Variants in ARFGEF1 observed in about 807,000 individuals in gnomAD.
ARFGEF1 encodes the protein ARF guanine nucleotide exchange factor 1, also known as brefeldin A-inhibited guanine nucleotide-exchange protein 1.
Under a neutral mutation model 231.0 loss-of-function variants are expected in ARFGEF1, and 42 were observed. The observed-to-expected ratio is 0.18, with a 90% CI of 0.14 to 0.24. ARFGEF1 has a LOEUF of 0.24. ARFGEF1 is among the 10% of genes least tolerant of loss of function. The probability of loss-of-function intolerance (pLI) is 1.00; values close to 1 mark genes in which losing one functional copy is unlikely to be tolerated. For synonymous variants in ARFGEF1, 710 were observed against 732.3 expected (o/e 0.97, Z 0.49); for missense variants, 1,345 against 2,192.0 (o/e 0.61, Z 7.72).
At chr8:67,270,498 C>A (rs1189445105) in intron 10 of ARFGEF1, among the ~76,000 whole-genome samples, 1 of 151,704 alleles carries the variant, frequency 6.6e-6, no homozygotes, top group Non-Finnish European at 1.5e-5. Flanking sequence ...ATAAAATTAA[C>A]AAAAATTAAA....
chr8:67,174,132 C>T (rs1563753329), downstream of ARFGEF1: 2 of 151,984 alleles, frequency 1.3e-5, no homozygotes, highest in African/African-American at 4.8e-5. Context: ...CTGTTCATTT[C>T]CCTGTGTTAC....
intron 28 of ARFGEF1, among the ~76,000 whole-genome samples, 161 bp downstream of exon 28, chr8:67,225,862 T>C (rs942241144): frequency 6.6e-6 from 1 of 152,154 alleles, no homozygotes; most frequent in Non-Finnish European, 1.5e-5. Flanking sequence ...TAATGGTTAG[T>C]TATAATCACT....
intron 17 of ARFGEF1, among the ~76,000 whole-genome samples, chr8:67,257,456 A>G (rs148505181): frequency 8.2e-4 from 125 of 152,326 alleles, no homozygotes; most frequent in African/African-American, 2.9e-3. Flanking sequence ...CATAAGACCT[A>G]TAAATGTCTT....
chr8:67,249,000 TATTATACATTGCATTCCAGGAATATA>T (rs2128883442), intron 19 of ARFGEF1, among the ~76,000 whole-genome samples: 1 of 150,550 alleles, frequency 6.6e-6, no homozygotes. Context: ...TATCCCTTAA[TATTATACATTGCATTCCAGGAATATA>T]TCATTCATTC....
At chr8:67,201,334 T>C (rs1033193348) in intron 37 of ARFGEF1, 133 bp downstream of exon 37, 1 of 1,149,568 alleles carries the variant, frequency 8.7e-7, no homozygotes, top group African/African-American at 1.6e-5. Context: ...ATTTAATTTT[T>C]ACAACTGCTC....
At chr8:67,226,271 T>C (rs1395578441) in intron 27 of ARFGEF1, 88 bp from the exon 28 acceptor site, 3 of 1,190,270 alleles carry the variant, frequency 2.5e-6, no homozygotes, top group South Asian at 3.9e-5. Context: ...TGTAATGCAC[T>C]TCCTCTTAAA....
chr8:67,320,955 CA>C (rs200179059), intron 1 of ARFGEF1, among the ~76,000 whole-genome samples: 14 of 147,296 alleles, frequency 9.5e-5, no homozygotes, highest in African/African-American at 2.2e-4. Context: ...GATTCCATCT[CA>C]AAAAAAAAAT....
chr8:67,325,213 GA>G (rs1204787940), intron 1 of ARFGEF1, among the ~76,000 whole-genome samples: 2 of 146,580 alleles, frequency 1.4e-5, no homozygotes, highest in Non-Finnish European at 3.0e-5. Flanking sequence ...ACACCAGGCC[GA>G]AAAATCCACT....
At chr8:67,271,245 TCAAATATCCAA>T (rs1344056435) in intron 10 of ARFGEF1, among the ~76,000 whole-genome samples, 1 of 152,066 alleles carries the variant, frequency 6.6e-6, no homozygotes, top group African/African-American at 2.4e-5. Flanking sequence ...ATTAATTTTT[TCAAATATCCAA>T]AATAGAACCC....
At chr8:67,185,486 T>G (rs1180767455) in intron 5 of ARFGEF1, among the ~76,000 whole-genome samples, 5 of 152,156 alleles carry the variant, frequency 3.3e-5, no homozygotes, top group South Asian at 2.1e-4. Flanking sequence ...ACTGGCAACT[T>G]TGAAAATGTA....
At chr8:67,270,736 C>T (rs1805046688) in intron 10 of ARFGEF1, among the ~76,000 whole-genome samples, 1 of 116,936 alleles carries the variant, frequency 8.6e-6, no homozygotes, top group African/African-American at 3.4e-5. Flanking sequence ...AAAAAAAAAC[C>T]ACATAAAGCT....
chr8:67,337,085 C>T (rs1808378157), intron 1 of ARFGEF1, among the ~76,000 whole-genome samples: 2 of 146,460 alleles, frequency 1.4e-5, no homozygotes, highest in Admixed American at 6.9e-5. Context: ...GCCAGGATCG[C>T]GCCACTGCAC....
intron 14 of ARFGEF1, among the ~76,000 whole-genome samples, chr8:67,260,355 C>T (rs1427658416): frequency 2.0e-5 from 3 of 152,160 alleles, no homozygotes; most frequent in Admixed American, 2.0e-4. Flanking sequence ...TTTGTGGCAA[C>T]CCTGCATTGA....
At position 67,198,912 on chromosome 8, in the gene ARFGEF1, C is replaced by T. The variant is rs367847823; in HGVS notation, c.*22G>A. ...TTAAAGAGCAGAGGGATGTAAATGC[C>T]AACAAAAATATTAAGTTCCCATCAT... On this transcript the variant is annotated 3_prime_UTR_variant, in exon 39 of 39. Coordinates refer to ENST00000262215, the MANE Select transcript of ARFGEF1 (RefSeq NM_006421.5). The T allele has an allele frequency of 8.9e-5, 143 of 1,609,552 alleles. 1 individual carries two copies. In the African/African-American group the frequency reaches 1.8e-3, roughly 20 times the overall value.
chr8:67,294,791 T>A (rs1395582909), intron 5 of ARFGEF1, among the ~76,000 whole-genome samples: 1 of 152,136 alleles, frequency 6.6e-6, no homozygotes, highest in Non-Finnish European at 1.5e-5. Flanking sequence ...CCTAACTCTA[T>A]CTGCTGAGAG....
chr8:67,213,531 T>G (rs926060242), intron 33 of ARFGEF1, among the ~76,000 whole-genome samples: 29 of 152,298 alleles, frequency 1.9e-4, no homozygotes, highest in African/African-American at 6.3e-4. Context: ...ATTACTTTTG[T>G]GTCAATTTGG....
intron 19 of ARFGEF1, among the ~76,000 whole-genome samples, chr8:67,250,141 A>G (rs1245970591): frequency 6.6e-6 from 1 of 152,236 alleles, no homozygotes; most frequent in African/African-American, 2.4e-5. Context: ...GTCTACAGAC[A>G]CTATGGGTGT....
At chr8:67,241,903 G>A (rs1839941787) in intron 19 of ARFGEF1, among the ~76,000 whole-genome samples, 1 of 152,090 alleles carries the variant, frequency 6.6e-6, no homozygotes, top group African/African-American at 2.4e-5. Flanking sequence ...TGTGTACTTG[G>A]GAGAGGGACA....
chr8:67,178,709 G>C (rs551863809), intron 5 of ARFGEF1, among the ~76,000 whole-genome samples: 2 of 152,274 alleles, frequency 1.3e-5, no homozygotes, highest in South Asian at 2.1e-4. Context: ...GAACATTCCA[G>C]GAAGAGGCCC....
Sources: allele counts gnomAD v4.1 joint callset (sites outside exome capture counted in the v4.1 genomes callset), GRCh38; gene constraint gnomAD v4.1.1; transcripts MANE v1.5; gene names NCBI Gene and HGNC (gene_info 2026-07-23, HGNC 2026-07-21).